BRINP3: variants seen among roughly 807,000 people sequenced by gnomAD.
The protein encoded by BRINP3 is BMP/retinoic acid-inducible neural-specific protein 3.
Under a neutral mutation model 71.0 loss-of-function variants are expected in BRINP3, and 19 were observed. That is an observed-to-expected ratio of 0.27 (90% confidence interval 0.19 to 0.39). The LOEUF (loss-of-function observed/expected upper bound fraction) is 0.39. Ranked by LOEUF, BRINP3 falls within the 10% of genes least tolerant of loss-of-function variation. BRINP3 has a pLI of 1.00. For missense variants in BRINP3, 959 were observed against 940.8 expected (o/e 1.02, Z -0.25); for synonymous variants, 380 against 337.7 (o/e 1.13, Z -1.37).
At chr1:190,247,057 T>A (rs1537429) in intron 4 of BRINP3, among the ~76,000 whole-genome samples, 86,266 of 151,714 alleles carry the variant, frequency 0.57, 24,780 homozygotes, top group Admixed American at 0.69. Context: ...GAAAATTTTT[T>A]AAAATTATAT....
At chr1:190,469,646 A>G (rs1676996764) in intron 1 of BRINP3, among the ~76,000 whole-genome samples, 1 of 150,994 alleles carries the variant, frequency 6.6e-6, no homozygotes, top group South Asian at 2.1e-4. Context: ...ATATTACCAT[A>G]CTAAAGTCAT....
intron 6 of BRINP3, among the ~76,000 whole-genome samples, chr1:190,178,755 C>A (rs1359646991): frequency 6.6e-6 from 1 of 151,870 alleles, no homozygotes; most frequent in Non-Finnish European, 1.5e-5. Context: ...TGAAAGGAAA[C>A]AGACTTGCTA....
intron 2 of BRINP3, among the ~76,000 whole-genome samples, chr1:190,374,869 A>G (rs1481953826): frequency 1.3e-5 from 2 of 152,076 alleles, no homozygotes; most frequent in Non-Finnish European, 2.9e-5. Context: ...GATATATGGA[A>G]AAATACACAG....
chr1:190,228,104 T>C (rs1204918967), intron 5 of BRINP3, among the ~76,000 whole-genome samples: 2 of 152,058 alleles, frequency 1.3e-5, no homozygotes, highest in South Asian at 2.1e-4. Flanking sequence ...CTAAGGCAAG[T>C]AAAAAGTGTT....
chr1:190,455,666 T>G (rs1675936420), intron 1 of BRINP3, among the ~76,000 whole-genome samples: 1 of 152,140 alleles, frequency 6.6e-6, no homozygotes, highest in Admixed American at 6.5e-5. Context: ...AACAAAATCA[T>G]AATTACATTA....
At chr1:190,333,575 C>T (rs1315686799) in intron 2 of BRINP3, among the ~76,000 whole-genome samples, 1 of 151,808 alleles carries the variant, frequency 6.6e-6, no homozygotes, top group Non-Finnish European at 1.5e-5. Flanking sequence ...TGAAATATAT[C>T]AAATTATGGC....
At chr1:190,337,385 G>T (rs897393283) in intron 2 of BRINP3, among the ~76,000 whole-genome samples, 1 of 152,032 alleles carries the variant, frequency 6.6e-6, no homozygotes, top group African/African-American at 2.4e-5. Flanking sequence ...TGTCGCCAAA[G>T]GGGATTAATA....
intron 6 of BRINP3, among the ~76,000 whole-genome samples, chr1:190,167,672 T>C (rs538375943): frequency 2.0e-5 from 3 of 152,126 alleles, no homozygotes; most frequent in African/African-American, 2.4e-5. Context: ...AGAACCGTGA[T>C]TGGAGAGGCA....
chr1:190,450,846 C>T (rs1351456847), intron 2 of BRINP3, among the ~76,000 whole-genome samples: 1 of 152,158 alleles, frequency 6.6e-6, no homozygotes, highest in African/African-American at 2.4e-5. Flanking sequence ...CAAAAGTTCA[C>T]TCTTTCCCAC....
chr1:190,234,290 A>G, intron 5 of BRINP3, 82 bp downstream of exon 5: 1 of 989,910 alleles, frequency 1.0e-6, no homozygotes, highest in Non-Finnish European at 1.5e-6. Context: ...TATGCAGTTT[A>G]CTTTAAAAAA....
At chr1:190,186,996 C>A (rs1057345047) in intron 6 of BRINP3, among the ~76,000 whole-genome samples, 2 of 152,066 alleles carry the variant, frequency 1.3e-5, no homozygotes, top group African/African-American at 4.8e-5. Flanking sequence ...ACTGTGTGAT[C>A]TAGAATAACA....
At chr1:190,273,218 A>G (rs1662266218) in intron 3 of BRINP3, among the ~76,000 whole-genome samples, 2 of 151,540 alleles carry the variant, frequency 1.3e-5, no homozygotes, top group African/African-American at 4.8e-5. Context: ...AATGACACAC[A>G]ATGTTCAGAT....
intron 2 of BRINP3, among the ~76,000 whole-genome samples, chr1:190,288,473 C>A (rs1663603225): frequency 6.6e-6 from 1 of 151,762 alleles, no homozygotes; most frequent in South Asian, 2.1e-4. Context: ...TGGAGTGAAA[C>A]AACTGAAGTT....
At position 190,382,284 on chromosome 1, in the gene BRINP3, G is replaced by A. The variant is rs373737317; in HGVS notation, c.236+72371C>T. Among the ~76,000 whole-genome samples the A allele has an allele frequency of 2.6e-5, 4 of 152,080 alleles. No individual in the cohort carries two copies. In the East Asian group the frequency reaches 5.8e-4, roughly 22 times the overall value. ...TAATTACTTCACACTTAGAAATCCT[G>A]TCACATCCTTCTTTGTCACACAACT... On this transcript the variant is annotated intron_variant, in intron 2 of 7. Coordinates refer to ENST00000367462, the MANE Select transcript of BRINP3 (RefSeq NM_199051.3).
At chr1:190,373,070 G>A (rs1227114545) in intron 2 of BRINP3, among the ~76,000 whole-genome samples, 1 of 151,902 alleles carries the variant, frequency 6.6e-6, no homozygotes, top group Non-Finnish European at 1.5e-5. Flanking sequence ...ATCCTCCCTG[G>A]CCACTGAATA....
chr1:190,161,403 T>A (rs943766489), intron 6 of BRINP3, among the ~76,000 whole-genome samples: 2 of 151,490 alleles, frequency 1.3e-5, no homozygotes, highest in African/African-American at 4.8e-5. Context: ...AAATTTTAGA[T>A]TTTAAATATA....
chr1:190,444,176 C>T (rs1441944210), intron 2 of BRINP3, among the ~76,000 whole-genome samples: 1 of 129,742 alleles, frequency 7.7e-6, no homozygotes, highest in African/African-American at 2.9e-5. Flanking sequence ...GAGGAGGTTG[C>T]AGTGACCGGA....
At chr1:190,148,858 A>G (rs1017004841) in intron 7 of BRINP3, among the ~76,000 whole-genome samples, 1 of 152,052 alleles carries the variant, frequency 6.6e-6, no homozygotes, top group African/African-American at 2.4e-5. Context: ...AAACTTTTCA[A>G]TGATGACAGA....
chr1:190,143,760 CT>C (rs1207990579), intron 7 of BRINP3, among the ~76,000 whole-genome samples: 1 of 152,134 alleles, frequency 6.6e-6, no homozygotes, highest in African/African-American at 2.4e-5. Flanking sequence ...TATGCCATGA[CT>C]ATTTTAAGTC....
Sources: allele counts gnomAD v4.1 joint callset (sites outside exome capture counted in the v4.1 genomes callset), GRCh38; gene constraint gnomAD v4.1.1; transcripts MANE v1.5; gene names NCBI Gene and HGNC (gene_info 2026-07-23, HGNC 2026-07-21).